The following PEPD variants were observed in gnomAD, a reference collection of about 807,000 sequenced individuals.
PEPD encodes peptidase D.
A neutral mutation model predicts 60.7 loss-of-function variants in PEPD; 53 were observed. The ratio of observed to expected loss-of-function variants is 0.87; its 90% CI spans 0.70 to 1.10. PEPD has a LOEUF of 1.10. Ranked by LOEUF, PEPD falls within the 50% of genes least tolerant of loss-of-function variation. The pLI is 0.00. For missense variants in PEPD, 711 were observed against 711.9 expected (o/e 1.00, Z 0.01); for synonymous variants, 267 against 284.1 (o/e 0.94, Z 0.60).
intron 11 of PEPD, among the ~76,000 whole-genome samples, chr19:33,404,670 G>A (rs1968577761): frequency 2.0e-5 from 3 of 152,198 alleles, no homozygotes; most frequent in African/African-American, 7.2e-5. Context: ...GTAGAAGACT[G>A]TAACTGCATT....
At chr19:33,406,762 G>A (rs1968635541) in intron 11 of PEPD, among the ~76,000 whole-genome samples, 3 of 152,344 alleles carry the variant, frequency 2.0e-5, no homozygotes, top group South Asian at 2.1e-4. Context: ...AGGCTGCAGG[G>A]CCCATGTGAG....
chr19:33,387,816 G>T, intron 14 of PEPD, 74 bp downstream of exon 14: 1 of 1,256,142 alleles, frequency 8.0e-7, no homozygotes, highest in Non-Finnish European at 1.1e-6. Context: ...CCCTGTCTTG[G>T]GACTAAGGAG....
chr19:33,441,537 A>G (rs1969480148), intron 9 of PEPD, among the ~76,000 whole-genome samples: 1 of 152,164 alleles, frequency 6.6e-6, no homozygotes, highest in Admixed American at 6.5e-5. Flanking sequence ...CTGAGTGAGG[A>G]GCCCACCCAG....
intron 9 of PEPD, among the ~76,000 whole-genome samples, chr19:33,425,426 G>A (rs56064330): frequency 0.31 from 47,000 of 152,026 alleles, 7,886 homozygotes; most frequent in African/African-American, 0.43. Context: ...TCCCCAGGAA[G>A]GTGTGGGGGA....
intron 2 of PEPD, 69 bp from the exon 3 acceptor site, chr19:33,511,224 T>A: frequency 6.4e-7 from 1 of 1,556,866 alleles, no homozygotes; most frequent in Non-Finnish European, 8.8e-7. Context: ...GGTGGCTGCA[T>A]CACAGCACCC....
chr19:33,521,564 G>C (rs1264293558), intron 1 of PEPD, among the ~76,000 whole-genome samples, 180 bp downstream of exon 1: 1 of 152,244 alleles, frequency 6.6e-6, no homozygotes, highest in East Asian at 1.9e-4. Context: ...CGGCCCCCGC[G>C]CTGACCCTGA....
chr19:33,443,386 C>T (rs1181541122), intron 9 of PEPD, among the ~76,000 whole-genome samples: 3 of 152,182 alleles, frequency 2.0e-5, no homozygotes, highest in Admixed American at 2.0e-4. Flanking sequence ...ATTTGCCACT[C>T]TTGATACATG....
intron 9 of PEPD, among the ~76,000 whole-genome samples, chr19:33,418,816 A>G (rs967921906): frequency 1.3e-5 from 2 of 152,214 alleles, no homozygotes; most frequent in Non-Finnish European, 2.9e-5. Context: ...TGAGGCTCCG[A>G]GTGCCTGAAA....
intron 1 of PEPD, among the ~76,000 whole-genome samples, chr19:33,520,523 C>T (rs1348176667): frequency 6.6e-6 from 1 of 152,202 alleles, no homozygotes; most frequent in Non-Finnish European, 1.5e-5. Flanking sequence ...TGACAGAGTC[C>T]CATGTGTCCA....
chr19:33,470,920 G>A (rs1970109991), intron 7 of PEPD, among the ~76,000 whole-genome samples: 1 of 152,088 alleles, frequency 6.6e-6, no homozygotes, highest in Non-Finnish European at 1.5e-5. Flanking sequence ...GCCCAGGGTG[G>A]ACCACAGGAG....
intron 7 of PEPD, among the ~76,000 whole-genome samples, chr19:33,471,928 G>A (rs910316304): frequency 9.2e-5 from 14 of 152,118 alleles, no homozygotes; most frequent in Non-Finnish European, 1.3e-4. Context: ...TTGGGAGGCC[G>A]AGGCAGGTGG....
intron 1 of PEPD, among the ~76,000 whole-genome samples, chr19:33,515,183 C>A (rs188920164): frequency 1.2e-4 from 19 of 152,292 alleles, no homozygotes; most frequent in African/African-American, 3.8e-4. Context: ...GAATGACACA[C>A]GGGGCCACAC....
At position 33,413,609 on chromosome 19, in the gene PEPD, T is replaced by G. The variant is rs1345867251; in HGVS notation, c.706A>C (p.Met236Leu). The change falls in exon 10 of 15, where the codon ATG becomes CTG. Residue 236 changes from methionine to leucine, a missense_variant. Met to Leu is a conservative substitution (Grantham distance 15, BLOSUM62 2). Transcript: ENST00000244137. ...ATGCAGGTGTAGGAGCTGTGGCGCA[T>G]GCCGCCCCGGGAGTAGCAGTAGTGC... is the stretch of plus-strand genomic sequence containing the variant. ...FEHYCYSRGG[M>L]RHSSYTCICG... 6.3e-7 allele frequency: 1 copy of G among 1,588,770 alleles called. No individual in the cohort carries two copies. Among genetic ancestry groups the G allele is most frequent in the Non-Finnish European group, 8.6e-7 (1 of 1,167,414 alleles).
intron 3 of PEPD, among the ~76,000 whole-genome samples, chr19:33,504,429 T>C (rs368334681): frequency 2.0e-5 from 3 of 152,294 alleles, no homozygotes; most frequent in African/African-American, 7.2e-5. Context: ...GCAACGGTAC[T>C]TCATGTCAGG....
intron 9 of PEPD, among the ~76,000 whole-genome samples, chr19:33,421,696 C>T (rs1234599858): frequency 6.6e-6 from 1 of 152,018 alleles, no homozygotes; most frequent in Non-Finnish European, 1.5e-5. Context: ...AGTCTCGCTA[C>T]GTTGCCCAGG....
At chr19:33,515,403 C>G (rs1971007034) in intron 1 of PEPD, among the ~76,000 whole-genome samples, 2 of 152,148 alleles carry the variant, frequency 1.3e-5, no homozygotes, top group Non-Finnish European at 2.9e-5. Flanking sequence ...AGAGCTTCCT[C>G]TGGGCTGGGG....
At chr19:33,503,220 G>A (rs1970743075) in intron 3 of PEPD, among the ~76,000 whole-genome samples, 1 of 152,178 alleles carries the variant, frequency 6.6e-6, no homozygotes, top group African/African-American at 2.4e-5. Context: ...GACGGCTGCA[G>A]GGAGCAACAA....
intron 3 of PEPD, among the ~76,000 whole-genome samples, chr19:33,506,460 C>T (rs1324991156): frequency 6.8e-6 from 1 of 147,774 alleles, no homozygotes; most frequent in Non-Finnish European, 1.5e-5. Flanking sequence ...CTCACACCCA[C>T]CACACCCCAT....
At chr19:33,514,188 C>T (rs541064409) in intron 1 of PEPD, among the ~76,000 whole-genome samples, 2 of 152,076 alleles carry the variant, frequency 1.3e-5, no homozygotes, top group African/African-American at 2.4e-5. Context: ...GGAGCCCCTG[C>T]GGCTCTCCAG....
Sources: allele counts gnomAD v4.1 joint callset (sites outside exome capture counted in the v4.1 genomes callset), GRCh38; gene constraint gnomAD v4.1.1; transcripts MANE v1.5; gene names NCBI Gene and HGNC (gene_info 2026-07-23, HGNC 2026-07-21).